The following SSUH2 variants were observed in gnomAD, a reference collection of about 807,000 sequenced individuals.
SSUH2 encodes ssu-2 homolog.
A neutral mutation model predicts 55.3 loss-of-function variants in SSUH2; 47 were observed. The ratio of observed to expected loss-of-function variants is 0.85; its 90% CI spans 0.67 to 1.08. The LOEUF (loss-of-function observed/expected upper bound fraction) is 1.08. Ranked by LOEUF, SSUH2 falls within the 50% of genes least tolerant of loss-of-function variation. The probability of loss-of-function intolerance (pLI) is 0.00; values close to 1 mark genes in which losing one functional copy is unlikely to be tolerated. For synonymous variants in SSUH2, 212 were observed against 191.5 expected (o/e 1.11, Z -0.89); for missense variants, 535 against 490.7 (o/e 1.09, Z -0.85).
intron 1 of SSUH2, among the ~76,000 whole-genome samples, chr3:8,681,653 C>T (rs1434719266): frequency 2.7e-5 from 4 of 146,458 alleles, no homozygotes; most frequent in Admixed American, 2.0e-4. Context: ...ACCCCCCGTG[C>T]GATGGGGACT....
intron 8 of SSUH2, chr3:8,626,882 C>T (rs1379647654): frequency 6.6e-6 from 1 of 152,380 alleles, no homozygotes; most frequent in Admixed American, 6.5e-5. Context: ...CTGAAGCCAT[C>T]CCTGAAATAT....
chr3:8,662,728 TC>T (rs1703617884), intron 6 of SSUH2, among the ~76,000 whole-genome samples: 1 of 152,194 alleles, frequency 6.6e-6, no homozygotes, highest in South Asian at 2.1e-4. Flanking sequence ...AGCCCTGCTT[TC>T]CCCAGGCTCC....
chr3:8,666,122 A>G (rs1559522675), intron 5 of SSUH2, among the ~76,000 whole-genome samples: 1 of 152,224 alleles, frequency 6.6e-6, no homozygotes, highest in Non-Finnish European at 1.5e-5. Flanking sequence ...TGTGCTTTTC[A>G]GACAAAATAT....
chr3:8,644,940 T>C, upstream of SSUH2: 1 of 639,182 alleles, frequency 1.6e-6, no homozygotes, highest in South Asian at 1.8e-5. Context: ...ATCCACCGGG[T>C]TCTGGGAGCT....
At chr3:8,642,518 G>A (rs1475333448) in intron 1 of SSUH2, among the ~76,000 whole-genome samples, 2 of 152,244 alleles carry the variant, frequency 1.3e-5, no homozygotes, top group Non-Finnish European at 2.9e-5. Flanking sequence ...TCCAGCCAAA[G>A]TAGGAGATGC....
At chr3:8,634,446 C>G in intron 3 of SSUH2, 1 of 1,290,216 alleles carries the variant, frequency 7.8e-7, no homozygotes, top group Non-Finnish European at 1.0e-6. Context: ...ATCCTCCTTC[C>G]TCCCCTTGCA....
chr3:8,679,501 T>A (rs1262276848), intron 2 of SSUH2, among the ~76,000 whole-genome samples: 1 of 141,100 alleles, frequency 7.1e-6, no homozygotes, highest in East Asian at 2.2e-4. Context: ...ATTCCCCCCC[T>A]GGCTTTGGGA....
intron 4 of SSUH2, among the ~76,000 whole-genome samples, chr3:8,632,901 T>C (rs757985685): frequency 1.3e-5 from 2 of 152,196 alleles, no homozygotes; most frequent in Admixed American, 6.5e-5. Flanking sequence ...TGTGGAAGTA[T>C]GAAGTGAGGA....
intron 3 of SSUH2, among the ~76,000 whole-genome samples, chr3:8,672,985 C>T (rs1412025398): frequency 6.6e-6 from 1 of 151,962 alleles, no homozygotes; most frequent in Admixed American, 6.6e-5. Context: ...GGGTGTACAC[C>T]CACTGAGGTA....
chr3:8,627,704 C>A lies in SSUH2; in HGVS notation c.668G>T (p.Arg223Met). Residue 223 changes from arginine to methionine, a missense_variant, in exon 8 of 12, where the codon AGG becomes ATG. By Grantham distance (91) the Arg-to-Met change is moderately conservative. Transcript: ENST00000544814. ...RRCQLCAGSG[R>M]RRCSTCSGRG... is the part of the protein sequence containing the mutation. Reference sequence around the variant, plus strand: ...GCTGGGGAGATGCCCCTACCTTCGCCTGCCGGACCCCGCGCACAGCTGACA... The same window carrying A: ...GCTGGGGAGATGCCCCTACCTTCGCATGCCGGACCCCGCGCACAGCTGACA... The A allele has an allele frequency of 6.3e-7, 1 of 1,590,034 alleles. No individual in the cohort carries two copies. Among genetic ancestry groups the A allele is most frequent in the African/African-American group, 1.3e-5 (1 of 74,100 alleles).
chr3:8,664,522 G>A (rs1174906016), intron 5 of SSUH2, among the ~76,000 whole-genome samples: 1 of 152,182 alleles, frequency 6.6e-6, no homozygotes, highest in African/African-American at 2.4e-5. Context: ...GTATCCAAAA[G>A]TGTAGGGGGG....
At chr3:8,625,498 G>C (rs1284693357) in intron 10 of SSUH2, 44 bp downstream of exon 10, 1 of 1,252,578 alleles carries the variant, frequency 8.0e-7, no homozygotes, top group Non-Finnish European at 1.2e-6. Context: ...GAGAGCAGAG[G>C]AGGAACCCAG....
intron 5 of SSUH2, 29 bp downstream of exon 5, chr3:8,632,020 G>A (rs1224393102): frequency 7.5e-6 from 12 of 1,598,028 alleles, no homozygotes; most frequent in Non-Finnish European, 7.7e-6. Context: ...TTTGCCCCCA[G>A]TTAAACTAAT....
intron 7 of SSUH2, among the ~76,000 whole-genome samples, chr3:8,658,314 T>C (rs1035890584): frequency 2.0e-5 from 3 of 152,248 alleles, no homozygotes; most frequent in African/African-American, 7.2e-5. Flanking sequence ...TTATTGCTCC[T>C]TGCGTGACCA....
chr3:8,657,333 G>T (rs1421015052), intron 7 of SSUH2, among the ~76,000 whole-genome samples: 1 of 152,188 alleles, frequency 6.6e-6, no homozygotes, highest in Non-Finnish European at 1.5e-5. Flanking sequence ...CAATCCAAAG[G>T]GTGGTACAAG....
intron 2 of SSUH2, 112 bp downstream of exon 2, chr3:8,635,647 C>A (rs572710641): frequency 9.7e-7 from 1 of 1,028,622 alleles, no homozygotes; most frequent in Non-Finnish European, 1.4e-6. Context: ...CTTCCCAGGG[C>A]CCCCCCAGGG....
chr3:8,624,387 T>TGGTCCTCA (rs1215001522), intron 10 of SSUH2, among the ~76,000 whole-genome samples: 4 of 152,202 alleles, frequency 2.6e-5, no homozygotes, highest in African/African-American at 9.7e-5. Flanking sequence ...CGCCTAGGGA[T>TGGTCCTCA]GGTCCTCAGT....
At position 8,679,384 on chromosome 3, in the gene SSUH2, G is replaced by C. The variant is rs140632165; in HGVS notation, c.-901+321C>G. Among the ~76,000 whole-genome samples, 10 of 70,976 alleles carry C rather than the reference G, an allele frequency of 1.4e-4. 1 individual carries two copies. The highest frequency in any genetic ancestry group is 2.6e-4 in the African/African-American group (6 of 22,648). The allele number at this position is 70,976 out of a possible 152,430, so 46.6% of individuals were successfully genotyped here. A position where few individuals can be genotyped will look rare whatever the true frequency, so the allele number is the denominator to read the frequency against. ...TCGCATTGGCGGGAGGCATCCCCCA[G>C]GAGGAGGGGACTGAGAGCCAGCCCC... is the stretch of plus-strand genomic sequence containing the variant. On this transcript the variant is annotated intron_variant, in intron 2 of 18. Transcript: ENST00000317371.
In SSUH2 at chr3:8,620,790, C is replaced by G. The variant is rs994995458; in HGVS notation, c.982-776G>C. Among the ~76,000 whole-genome samples the G allele has an allele frequency of 3.9e-5, 6 of 152,190 alleles. No homozygotes were observed. In the South Asian group the frequency reaches 1.0e-3, roughly 26 times the overall value. ...AAACATGTGTGTATTAAAACAACCA[C>G]AGAGGTATTAGGAAGCGGTTTCTAA... On this transcript the variant is annotated intron_variant, in intron 11 of 11. Coordinates refer to ENST00000544814, the MANE Select transcript of SSUH2 (RefSeq NM_001256748.3).
Sources: allele counts gnomAD v4.1 joint callset (sites outside exome capture counted in the v4.1 genomes callset), GRCh38; gene constraint gnomAD v4.1.1; transcripts MANE v1.5; gene names NCBI Gene and HGNC (gene_info 2026-07-23, HGNC 2026-07-21).